Variants in SEMA3A observed in about 807,000 individuals in gnomAD.
SEMA3A encodes the protein semaphorin-3A.
In SEMA3A, 29 loss-of-function variants were observed where a neutral mutation model predicts 97.9. That is an observed-to-expected ratio of 0.30 (90% CI 0.22 to 0.40). The LOEUF is 0.40. Ranked by LOEUF, SEMA3A falls within the 10% of genes least tolerant of loss-of-function variation. The probability of loss-of-function intolerance (pLI) is 1.00; values close to 1 mark genes in which losing one functional copy is unlikely to be tolerated. For missense variants in SEMA3A, 763 were observed against 951.3 expected, an observed-to-expected ratio of 0.80 and a Z score of 2.60; for synonymous variants, 321 against 323.7, an observed-to-expected ratio of 0.99 and a Z score of 0.09.
intron 2 of SEMA3A, among the ~76,000 whole-genome samples, chr7:84,362,633 G>T (rs1802754853): frequency 6.6e-6 from 1 of 151,876 alleles, no homozygotes; most frequent in African/African-American, 2.4e-5. Flanking sequence ...CAGAACATAT[G>T]AAATCCCTTT....
At chr7:84,026,005 A>G (rs1283495565) in intron 6 of SEMA3A, among the ~76,000 whole-genome samples, 2 of 152,222 alleles carry the variant, frequency 1.3e-5, no homozygotes, top group African/African-American at 4.8e-5. Context: ...TTTAATCATT[A>G]ATCAAGAGAA....
chr7:84,027,635 A>G (rs1019854382), intron 6 of SEMA3A, among the ~76,000 whole-genome samples: 1 of 152,176 alleles, frequency 6.6e-6, no homozygotes, highest in Non-Finnish European at 1.5e-5. Flanking sequence ...TTGAACTCAA[A>G]CAGACACTAT....
intron 5 of SEMA3A, among the ~76,000 whole-genome samples, chr7:84,052,547 C>T (rs566698045): frequency 2.5e-4 from 38 of 152,032 alleles, no homozygotes; most frequent in East Asian, 5.8e-4. Context: ...TATGTGGGAT[C>T]GGTGGTGATA....
At chr7:84,062,918 C>T (rs1793308209) in intron 4 of SEMA3A, among the ~76,000 whole-genome samples, 1 of 151,952 alleles carries the variant, frequency 6.6e-6, no homozygotes, top group Non-Finnish European at 1.5e-5. Context: ...GAGCCCACCA[C>T]AGCTCAAGGA....
At chr7:84,170,588 C>T (rs1224496429) in intron 1 of SEMA3A, among the ~76,000 whole-genome samples, 1 of 151,942 alleles carries the variant, frequency 6.6e-6, no homozygotes, top group Admixed American at 6.6e-5. Flanking sequence ...AAATGGAATA[C>T]AACAACTGAA....
chr7:83,987,145 T>A (rs1027579213), intron 12 of SEMA3A, among the ~76,000 whole-genome samples: 1 of 150,886 alleles, frequency 6.6e-6, no homozygotes, highest in African/African-American at 2.4e-5. Context: ...TAGATACATA[T>A]AATTAATTTT....
intron 1 of SEMA3A, among the ~76,000 whole-genome samples, chr7:84,444,076 G>C (rs1337095461): frequency 6.6e-6 from 1 of 151,706 alleles, no homozygotes; most frequent in Non-Finnish European, 1.5e-5. Flanking sequence ...AGTAGAAATG[G>C]GGTTTCACCA....
At chr7:84,189,807 T>C (rs73709589) in intron 1 of SEMA3A, among the ~76,000 whole-genome samples, 9,359 of 151,714 alleles carry the variant, frequency 0.062, 389 homozygotes, top group East Asian at 0.14. Flanking sequence ...ATCTTTACTA[T>C]AGAATTTAAG....
chr7:84,346,560 A>G (rs1342840992), intron 2 of SEMA3A, among the ~76,000 whole-genome samples: 1 of 152,150 alleles, frequency 6.6e-6, no homozygotes, highest in African/African-American at 2.4e-5. Context: ...TCAGGGAATA[A>G]GGAGGTCTGA....
At chr7:84,212,304 T>C (rs1449766859) in intron 3 of SEMA3A, among the ~76,000 whole-genome samples, 2 of 152,332 alleles carry the variant, frequency 1.3e-5, no homozygotes, top group East Asian at 3.9e-4. Flanking sequence ...ATATTTACTC[T>C]AAAAACAAAA....
chr7:84,411,334 T>C (rs1412893358), intron 1 of SEMA3A, among the ~76,000 whole-genome samples: 1 of 152,238 alleles, frequency 6.6e-6, no homozygotes, highest in Middle Eastern at 3.4e-3. Context: ...GAGCATAAAC[T>C]TGAACAGGAA....
chr7:83,956,147 G>A lies in SEMA3A; in HGVS notation c.*5224C>T, dbSNP rs1176492945. The A allele has an allele frequency of 6.6e-6, 1 of 152,124 alleles. No individual in the cohort carries two copies. The highest frequency in any genetic ancestry group is 1.5e-5 in the Non-Finnish European group (1 of 68,004). The allele number at this position is 152,124 out of a possible 1,614,324, so 9.4% of individuals were successfully genotyped here. On this transcript the variant is annotated 3_prime_UTR_variant, in exon 17 of 17. Coordinates refer to ENST00000265362, the MANE Select transcript of SEMA3A (RefSeq NM_006080.3). ...CTGACCACACCTGCAGCATTGCTTG[G>A]CCATGAATTACTCCATCTAAGGTAT...
chr7:84,261,484 G>A (rs1799854615), intron 3 of SEMA3A, among the ~76,000 whole-genome samples: 1 of 152,192 alleles, frequency 6.6e-6, no homozygotes, highest in Non-Finnish European at 1.5e-5. Context: ...TACGTTATTT[G>A]GGGCTCTGTG....
Position 84,378,875 on chromosome 7 carries a change from A to ACT in SEMA3A, c.-245-6977_-245-6976dup, listed in dbSNP as rs72175737. Among the ~76,000 whole-genome samples, 1,163 of 140,898 alleles carry ACT rather than the reference A, an allele frequency of 8.3e-3. 14 individuals carry two copies. The highest frequency in any genetic ancestry group is 0.028 in the African/African-American group (1,070 of 38,518). The allele number at this position is 140,898 out of a possible 152,430, so 92.4% of individuals were successfully genotyped here. ...ATCAATAGGAAAATTAAGATCCATG[A>ACT]CTCTCTCTCTCTCTCTCTCCATATA... On this transcript the variant is annotated intron_variant, in intron 1 of 3. Coordinates refer to the SEMA3A transcript ENST00000424555.
intron 1 of SEMA3A, among the ~76,000 whole-genome samples, chr7:84,393,312 T>A (rs1017284737): frequency 6.6e-6 from 1 of 152,102 alleles, no homozygotes; most frequent in Non-Finnish European, 1.5e-5. Context: ...TTTTTTCCAT[T>A]GTTTATTCTT....
At chr7:84,448,365 T>C (rs1805478384) in intron 1 of SEMA3A, among the ~76,000 whole-genome samples, 1 of 152,166 alleles carries the variant, frequency 6.6e-6, no homozygotes, top group Admixed American at 6.5e-5. Context: ...GTTAAAATCA[T>C]CTCTGTTTGC....
chr7:83,965,238 C>G (rs1584484290), intron 15 of SEMA3A, among the ~76,000 whole-genome samples: 1 of 151,816 alleles, frequency 6.6e-6, no homozygotes, highest in African/African-American at 2.4e-5. Flanking sequence ...CGCGTCCGGC[C>G]CGTTTAAACT....
Position 84,365,894 on chromosome 7 carries a change from TTTATC to T in SEMA3A, c.-169+5925_-169+5929del, listed in dbSNP as rs1282664636. Among the ~76,000 whole-genome samples the T allele has an allele frequency of 2.6e-5, 4 of 151,366 alleles. No homozygotes were observed. In the East Asian group the frequency reaches 5.8e-4, roughly 22 times the overall value. ...ATGAGTTTAACTAATATTTAAATATTTTATCTTAAGTTAAATTATAACATTTAAAT... is the reference window on the plus strand; with the variant it reads ...ATGAGTTTAACTAATATTTAAATATTTTAAGTTAAATTATAACATTTAAAT... On this transcript the variant is annotated intron_variant, in intron 2 of 3. Coordinates refer to the SEMA3A transcript ENST00000424555.
chr7:84,455,179 C>T (rs1805658654), intron 1 of SEMA3A, among the ~76,000 whole-genome samples: 1 of 151,762 alleles, frequency 6.6e-6, no homozygotes, highest in Non-Finnish European at 1.5e-5. Context: ...TATGAATACT[C>T]TTATTTTTCA....
Sources: gnomAD v4.1 joint callset for allele counts (sites outside exome capture counted in the v4.1 genomes callset) on GRCh38, gnomAD v4.1.1 for gene constraint, MANE v1.5 for transcripts, NCBI Gene and HGNC (gene_info 2026-07-23, HGNC 2026-07-21) for gene names.